The following MEX3C variants were observed in gnomAD, a reference collection of about 807,000 sequenced individuals.
The protein encoded by MEX3C is RNA-binding E3 ubiquitin-protein ligase MEX3C.
Under a neutral mutation model 35.5 loss-of-function variants are expected in MEX3C, and 15 were observed. The observed-to-expected ratio is 0.42, with a 90% confidence interval of 0.28 to 0.65. The LOEUF (loss-of-function observed/expected upper bound fraction) is 0.65, where lower values mean the gene tolerates loss of function less well. Among genes scored for constraint, MEX3C ranks in the 30% least tolerant of loss-of-function variants. The probability of loss-of-function intolerance (pLI) is 0.20; values close to 1 mark genes in which losing one functional copy is unlikely to be tolerated. For synonymous variants in MEX3C, 390 were observed against 352.8 expected (o/e 1.11, Z -1.18); for missense variants, 711 against 842.8 (o/e 0.84, Z 1.94).
At chr18:51,195,036 C>A (rs958244842) in intron 1 of MEX3C, 1 of 151,904 alleles carries the variant, frequency 6.6e-6, no homozygotes, top group Non-Finnish European at 1.5e-5. Context: ...CTGTTATCTT[C>A]TTAAGGGCAG....
chr18:51,185,228 AG>A (rs1339360879), intron 1 of MEX3C, among the ~76,000 whole-genome samples: 2 of 152,220 alleles, frequency 1.3e-5, no homozygotes, highest in Non-Finnish European at 2.9e-5. Context: ...TTGCAGTGAA[AG>A]GACTGAGTGT....
At chr18:51,182,220 T>C (rs1912447577) in intron 1 of MEX3C, among the ~76,000 whole-genome samples, 1 of 151,756 alleles carries the variant, frequency 6.6e-6, no homozygotes. Context: ...AAACATAGTA[T>C]GTATATATAG....
intron 1 of MEX3C, chr18:51,195,404 A>G (rs1477854626): frequency 6.6e-6 from 1 of 152,222 alleles, no homozygotes; most frequent in Non-Finnish European, 1.5e-5. Context: ...TTTTATTAAA[A>G]TCCTACAGAT....
Position 51,174,574 on chromosome 18 carries a change from T to C in MEX3C, c.*1777A>G, listed in dbSNP as rs2144544156. On this transcript the variant is annotated 3_prime_UTR_variant, in exon 2 of 2. Transcript: ENST00000406189. ...ATTCAAGTTAATGGAAACAAGTCTTTATTAAGTAACTTTTAATATCAGAAA... is the reference window on the plus strand; with the variant it reads ...ATTCAAGTTAATGGAAACAAGTCTTCATTAAGTAACTTTTAATATCAGAAA... 1 of 152,774 alleles carries C rather than the reference T, an allele frequency of 6.5e-6. No individual in the cohort carries two copies. Among genetic ancestry groups the C allele is most frequent in the East Asian group, 1.9e-4 (1 of 5,190 alleles). The allele number at this position is 152,774 out of a possible 1,614,324, so 9.5% of individuals were successfully genotyped here.
rs1022106513 is a variant in MEX3C at position 51,196,415 on chromosome 18, C to T, written c.754+152G>A. ...GTTTTCGCAAGGTGACCCATCTTCA[C>T]ATCTGGTCGACCCTCGGCTCCTCCC... On this transcript the variant is annotated intron_variant, in intron 1 of 1. Coordinates refer to ENST00000406189, the MANE Select transcript of MEX3C (RefSeq NM_016626.5). 5 of 1,413,746 alleles carry T rather than the reference C, an allele frequency of 3.5e-6. No homozygotes were observed. The African/African-American group carries it at 7.5e-5, about 21-fold the overall frequency. The allele number at this position is 1,413,746 out of a possible 1,614,324, so 87.6% of individuals were successfully genotyped here. A position where few individuals can be genotyped will look rare whatever the true frequency, so the allele number is the denominator to read the frequency against.
intron 1 of MEX3C, among the ~76,000 whole-genome samples, chr18:51,178,560 T>C (rs1912353061): frequency 6.6e-6 from 1 of 152,092 alleles, no homozygotes; most frequent in Non-Finnish European, 1.5e-5. Context: ...ATCATACTAT[T>C]CTTAGTTTGT....
chr18:51,183,498 C>A (rs1005327242), intron 1 of MEX3C, among the ~76,000 whole-genome samples: 2 of 152,200 alleles, frequency 1.3e-5, no homozygotes, highest in Admixed American at 6.5e-5. Context: ...TAGGCAGAAT[C>A]CTAAGATGGC....
At position 51,176,025 on chromosome 18, in the gene MEX3C, G is replaced by A. The variant is rs1394251682; in HGVS notation, c.*326C>T. On this transcript the variant is annotated 3_prime_UTR_variant, in exon 2 of 2. Coordinates refer to ENST00000406189, the MANE Select transcript of MEX3C (RefSeq NM_016626.5). ...GACCCATTGTTTTGAAATCTTAGAC[G>A]TATACACTTTTTCATAGGCTCACAC... 3 of 206,446 alleles carry A rather than the reference G, an allele frequency of 1.5e-5. No individual in the cohort carries two copies. The highest frequency in any genetic ancestry group is 5.3e-5 in the Admixed American group (1 of 18,874). 12.8% of individuals were successfully genotyped at this position (206,446 alleles called of 1,614,324 possible).
intron 1 of MEX3C, among the ~76,000 whole-genome samples, chr18:51,183,948 T>G (rs370421528): frequency 2.6e-5 from 4 of 152,246 alleles, no homozygotes; most frequent in African/African-American, 9.6e-5. Flanking sequence ...CTGCAGTGGG[T>G]TATGATCACA....
chr18:51,195,063 TCA>T (rs1912745438), intron 1 of MEX3C: 2 of 147,848 alleles, frequency 1.4e-5, no homozygotes, highest in South Asian at 4.2e-4. Context: ...TGAATTAACT[TCA>T]CATTCTCAAT....
chr18:51,196,205 C>T (rs1912782388), intron 1 of MEX3C: 2 of 326,568 alleles, frequency 6.1e-6, no homozygotes, highest in Non-Finnish European at 1.1e-5. Context: ...AATCTCGAAG[C>T]TTTCCGTACC....
Position 51,176,226 on chromosome 18 carries a change from G to T in MEX3C, c.*125C>A. 1 of 979,350 alleles carries T rather than the reference G, an allele frequency of 1.0e-6. No homozygotes were observed. Among genetic ancestry groups the T allele is most frequent in the Non-Finnish European group, 1.5e-6 (1 of 688,270 alleles). The allele number at this position is 979,350 out of a possible 1,614,324, so 60.7% of individuals were successfully genotyped here. Reference sequence around the variant, plus strand: ...TTTTATAAGTTTACTAACAACTTTAGCCTAATCCCAATAAAGCCTGATAAC... The same window carrying T: ...TTTTATAAGTTTACTAACAACTTTATCCTAATCCCAATAAAGCCTGATAAC... On this transcript the variant is annotated 3_prime_UTR_variant, in exon 2 of 2. Transcript: ENST00000406189.
chr18:51,191,740 G>A (rs1912653449), intron 1 of MEX3C, among the ~76,000 whole-genome samples: 2 of 152,132 alleles, frequency 1.3e-5, no homozygotes, highest in Admixed American at 1.3e-4. Flanking sequence ...AGTCTCTACA[G>A]GAATTGTAGA....
At chr18:51,186,714 T>C (rs534250402) in intron 1 of MEX3C, among the ~76,000 whole-genome samples, 2 of 151,984 alleles carry the variant, frequency 1.3e-5, no homozygotes, top group East Asian at 1.9e-4. Flanking sequence ...AACAGAAAAA[T>C]GCTGAGAACA....
intron 1 of MEX3C, among the ~76,000 whole-genome samples, chr18:51,185,884 A>ACCC (rs150800504): frequency 2.4e-4 from 36 of 151,328 alleles, no homozygotes; most frequent in South Asian, 8.4e-4. Flanking sequence ...ACATAGTGAG[A>ACCC]CCCCCCCCTC....
chr18:51,196,686 GC>G lies in MEX3C; in HGVS notation c.634del (p.Ala212ArgfsTer6). On this transcript the variant is annotated frameshift_variant, in exon 1 of 2. Coordinates refer to ENST00000406189, the MANE Select transcript of MEX3C (RefSeq NM_016626.5). LOFTEE classifies it high-confidence loss of function. ...CTCCCCGTTCAGGGCGGCCGCCGCC[GC>G]CCCACAACCGCCGGGGCCGTAGGCG... ...SHAYGPGGCG[A>X]AAAALNGEQA... 1 of 1,543,884 alleles carries G rather than the reference GC, an allele frequency of 6.5e-7. No individual in the cohort carries two copies.
chr18:51,197,370 C>A lies in MEX3C; in HGVS notation c.-50G>T. ...GCGGCGGCGGCCGGGTCAGGCGCGG[C>A]AGGCGGCGAGCCCCATGGCGGACAG... On this transcript the variant is annotated 5_prime_UTR_variant, in exon 1 of 2. Transcript: ENST00000406189. 1 of 203,878 alleles carries A rather than the reference C, an allele frequency of 4.9e-6. No individual in the cohort carries two copies. Among genetic ancestry groups the A allele is most frequent in the Non-Finnish European group, 8.6e-6 (1 of 115,714 alleles). 12.6% of individuals were successfully genotyped at this position (203,878 alleles called of 1,614,324 possible). A position where few individuals can be genotyped will look rare whatever the true frequency, so the allele number is the denominator to read the frequency against.
rs1215048453 is a variant in MEX3C, at chr18:51,174,793, A to C, written c.*1558T>G. ...TTAGCAAATACTAAACTATATTGAT[A>C]ATTTATCATTCTTAGTTTGTGGTTT... On this transcript the variant is annotated 3_prime_UTR_variant, in exon 2 of 2. Coordinates refer to ENST00000406189, the MANE Select transcript of MEX3C (RefSeq NM_016626.5). 1 of 152,650 alleles carries C rather than the reference A, an allele frequency of 6.6e-6. No individual in the cohort carries two copies. Among genetic ancestry groups the C allele is most frequent in the African/African-American group, 2.4e-5 (1 of 41,450 alleles). 9.5% of individuals were successfully genotyped at this position (152,650 alleles called of 1,614,324 possible). A position where few individuals can be genotyped will look rare whatever the true frequency, so the allele number is the denominator to read the frequency against.
chr18:51,184,815 T>A (rs988213478), intron 1 of MEX3C, among the ~76,000 whole-genome samples: 1 of 151,548 alleles, frequency 6.6e-6, no homozygotes, highest in Non-Finnish European at 1.5e-5. Flanking sequence ...TCCGAGATCG[T>A]GCCACTGCAT....
Sources: allele counts gnomAD v4.1 joint callset (sites outside exome capture counted in the v4.1 genomes callset), GRCh38; gene constraint gnomAD v4.1.1; transcripts MANE v1.5; gene names NCBI Gene and HGNC (gene_info 2026-07-23, HGNC 2026-07-21).